PLA2G4A: variants seen among roughly 807,000 people sequenced by gnomAD.
The protein encoded by PLA2G4A is phospholipase A2 group IVA, also known as cytosolic phospholipase A2.
In PLA2G4A, 40 loss-of-function variants were observed where a neutral mutation model predicts 81.9. The ratio of observed to expected loss-of-function variants is 0.49; its 90% CI spans 0.38 to 0.64. PLA2G4A has a LOEUF of 0.64. Ranked by LOEUF, PLA2G4A falls within the 30% of genes least tolerant of loss-of-function variation. The probability of loss-of-function intolerance (pLI) is 0.00; values close to 1 mark genes in which losing one functional copy is unlikely to be tolerated. For missense variants in PLA2G4A, 715 were observed against 905.1 expected, an observed-to-expected ratio of 0.79 and a Z score of 2.69; for synonymous variants, 302 against 296.9, an observed-to-expected ratio of 1.02 and a Z score of -0.18.
At chr1:186,868,358 G>T (rs551375919) in intron 2 of PLA2G4A, among the ~76,000 whole-genome samples, 7 of 152,140 alleles carry the variant, frequency 4.6e-5, no homozygotes, top group Admixed American at 2.6e-4. Context: ...GATTACAGGC[G>T]TGAGCCATTG....
At chr1:186,863,359 T>G (rs1174218749) in intron 2 of PLA2G4A, among the ~76,000 whole-genome samples, 1 of 152,216 alleles carries the variant, frequency 6.6e-6, no homozygotes, top group East Asian at 1.9e-4. Context: ...AATTCTGTTT[T>G]TAATTGACAC....
At chr1:186,865,903 G>A (rs1389678864) in intron 2 of PLA2G4A, among the ~76,000 whole-genome samples, 1 of 151,974 alleles carries the variant, frequency 6.6e-6, no homozygotes, top group African/African-American at 2.4e-5. Flanking sequence ...AATTGTCTTG[G>A]TTTTTACTAT....
chr1:186,922,730 G>A (rs1655396479), intron 7 of PLA2G4A, among the ~76,000 whole-genome samples: 1 of 152,178 alleles, frequency 6.6e-6, no homozygotes, highest in African/African-American at 2.4e-5. Context: ...AAGAAGGAAG[G>A]GGTTTATTCA....
chr1:186,861,926 C>T (rs1465985052), intron 2 of PLA2G4A, among the ~76,000 whole-genome samples: 1 of 151,172 alleles, frequency 6.6e-6, no homozygotes, highest in Non-Finnish European at 1.5e-5. Flanking sequence ...TCATTTTACC[C>T]ACGATATCAT....
intron 8 of PLA2G4A, among the ~76,000 whole-genome samples, chr1:186,933,502 A>T (rs1470175481): frequency 6.6e-6 from 1 of 152,198 alleles, no homozygotes; most frequent in Non-Finnish European, 1.5e-5. Flanking sequence ...AAATATATTT[A>T]TAAAACATTT....
At chr1:186,966,997 A>T (rs1437961064) in intron 15 of PLA2G4A, among the ~76,000 whole-genome samples, 1 of 152,144 alleles carries the variant, frequency 6.6e-6, no homozygotes, top group Admixed American at 6.6e-5. Flanking sequence ...AAATGCTATG[A>T]GAGAGATGGA....
chr1:186,867,503 A>G (rs1006409992), intron 2 of PLA2G4A, among the ~76,000 whole-genome samples: 13 of 42,530 alleles, frequency 3.1e-4, no homozygotes, highest in African/African-American at 1.7e-3. Flanking sequence ...CTACGTGTTC[A>G]TTTCTGTATA....
intron 1 of PLA2G4A, among the ~76,000 whole-genome samples, chr1:186,830,957 G>GCTTGCTTT (rs1491468816): frequency 3.3e-3 from 275 of 82,694 alleles, no homozygotes; most frequent in Middle Eastern, 6.0e-3. Flanking sequence ...TTGCTTGCTT[G>GCTTGCTTT]CTTTCTTTCT....
chr1:186,955,734 C>CTTTTTTT lies in PLA2G4A; in HGVS notation c.1337-356_1337-350dup, dbSNP rs59494152. On this transcript the variant is annotated intron_variant, in intron 13 of 17. Transcript: ENST00000367466. ...ACATTCAATTATCCAAAGAAGATCC[C>CTTTTTTT]TTTTTTTTTTTTTTTTTTAAGACAG... is the stretch of plus-strand genomic sequence containing the variant. 7.7e-3 allele frequency among the ~76,000 whole-genome samples: 842 copies of CTTTTTTT among 108,778 alleles called. 39 individuals are homozygous for CTTTTTTT. Among genetic ancestry groups the CTTTTTTT allele is most frequent in the Non-Finnish European group, 0.011 (658 of 58,278 alleles). The allele number at this position is 108,778 out of a possible 152,430, so 71.4% of individuals were successfully genotyped here.
intron 13 of PLA2G4A, among the ~76,000 whole-genome samples, chr1:186,953,552 C>T (rs1185458983): frequency 6.6e-6 from 1 of 152,130 alleles, no homozygotes; most frequent in African/African-American, 2.4e-5. Context: ...CATGTTTAGT[C>T]ATATGATTTT....
chr1:186,934,443 CATATATATATATATATATAT>C (rs71571011), intron 8 of PLA2G4A, among the ~76,000 whole-genome samples: 3 of 99,560 alleles, frequency 3.0e-5, no homozygotes, highest in African/African-American at 9.0e-5. Flanking sequence ...TAAATGTGCA[CATATATATATATATATATAT>C]ACATACACAG....
rs41264620 is a variant in PLA2G4A at position 186,870,633 on chromosome 1, A to G, written c.115+117A>G. The stretch of plus-strand genomic sequence containing the variant: ...TCTTCAAATGTGGTTATGTTTGTCT[A>G]GATCTTTGAATGATAACATTTCAAA... On this transcript the variant is annotated intron_variant, in intron 3 of 17. Coordinates refer to ENST00000367466, the MANE Select transcript of PLA2G4A (RefSeq NM_024420.3). The G allele has an allele frequency of 1.1e-3, 1,335 of 1,191,498 alleles. 6 individuals are homozygous for G. The African/African-American group carries it at 0.016, about 14-fold the overall frequency. The allele number at this position is 1,191,498 out of a possible 1,614,324, so 73.8% of individuals were successfully genotyped here. A position where few individuals can be genotyped will look rare whatever the true frequency, so the allele number is the denominator to read the frequency against.
At chr1:186,923,987 G>A (rs1474814312) in intron 7 of PLA2G4A, among the ~76,000 whole-genome samples, 2 of 152,158 alleles carry the variant, frequency 1.3e-5, no homozygotes, top group African/African-American at 4.8e-5. Flanking sequence ...CATAACTGAT[G>A]CCTGTCTTTT....
At chr1:186,899,410 G>T (rs111461370) in intron 5 of PLA2G4A, among the ~76,000 whole-genome samples, 1 of 152,180 alleles carries the variant, frequency 6.6e-6, no homozygotes, top group African/African-American at 2.4e-5. Flanking sequence ...AATGTCTTAG[G>T]CATGTCCTTA....
At chr1:186,964,109 G>C (rs1489663064) in intron 14 of PLA2G4A, among the ~76,000 whole-genome samples, 1 of 152,186 alleles carries the variant, frequency 6.6e-6, no homozygotes, top group African/African-American at 2.4e-5. Context: ...TATTAAGTCA[G>C]AGATCCTTAT....
chr1:186,970,683 T>C (rs1352863322), intron 15 of PLA2G4A, among the ~76,000 whole-genome samples: 2 of 152,068 alleles, frequency 1.3e-5, no homozygotes, highest in South Asian at 2.1e-4. Flanking sequence ...CCAGTATATA[T>C]TCTGGGCAAC....
intron 15 of PLA2G4A, among the ~76,000 whole-genome samples, chr1:186,971,933 C>T (rs1172873356): frequency 6.6e-6 from 1 of 151,990 alleles, no homozygotes; most frequent in Admixed American, 6.6e-5. Flanking sequence ...AATATGGATA[C>T]TGCCTTTCAC....
At position 186,970,540 on chromosome 1, in the gene PLA2G4A, G is replaced by T. The variant is rs1257660526; in HGVS notation, c.1764+4947G>T. Among the ~76,000 whole-genome samples, 4 of 151,932 alleles carry T rather than the reference G, an allele frequency of 2.6e-5. No homozygotes were observed. The East Asian group carries it at 5.8e-4, about 22-fold the overall frequency. On this transcript the variant is annotated intron_variant, in intron 15 of 17. Transcript: ENST00000367466. Reference sequence around the variant, plus strand: ...TATTCTAGTAGTTTTATAGCTTTAGGACTTAGATGTTACTCTTTAATTGAT... The same window carrying T: ...TATTCTAGTAGTTTTATAGCTTTAGTACTTAGATGTTACTCTTTAATTGAT...
At chr1:186,909,575 G>A (rs1162965098) in intron 6 of PLA2G4A, among the ~76,000 whole-genome samples, 2 of 149,358 alleles carry the variant, frequency 1.3e-5, no homozygotes, top group Admixed American at 6.7e-5. Context: ...CAGGAGAATC[G>A]CTGGAACCCA....
Sources: gnomAD v4.1 joint callset for allele counts (sites outside exome capture counted in the v4.1 genomes callset) on GRCh38, gnomAD v4.1.1 for gene constraint, MANE v1.5 for transcripts, NCBI Gene and HGNC (gene_info 2026-07-23, HGNC 2026-07-21) for gene names.